The following SLC12A3 variants were observed in gnomAD, a reference collection of about 807,000 sequenced individuals.
SLC12A3 encodes the protein solute carrier family 12 member 3.
Under a neutral mutation model 121.0 loss-of-function variants are expected in SLC12A3, and 104 were observed. That is an observed-to-expected ratio of 0.86 (90% CI 0.73 to 1.01). SLC12A3 has a LOEUF of 1.01. Among genes scored for constraint, SLC12A3 ranks in the 50% least tolerant of loss-of-function variants. SLC12A3 has a pLI of 0.00. For synonymous variants in SLC12A3, 536 were observed against 533.4 expected, an observed-to-expected ratio of 1.00 and a Z score of -0.07; for missense variants, 1,328 against 1,356.3, an observed-to-expected ratio of 0.98 and a Z score of 0.33.
intron 13 of SLC12A3, among the ~76,000 whole-genome samples, chr16:56,883,497 G>A (rs2144721817): frequency 6.6e-6 from 1 of 152,062 alleles, no homozygotes; most frequent in East Asian, 1.9e-4. Context: ...AGCCAGGATG[G>A]TCTCGATCTC....
intron 12 of SLC12A3, among the ~76,000 whole-genome samples, chr16:56,882,011 T>A (rs1246750701): frequency 6.7e-6 from 1 of 149,588 alleles, no homozygotes; most frequent in Non-Finnish European, 1.5e-5. Flanking sequence ...ATCACGCCAC[T>A]GCACTCCAGC....
At chr16:56,866,477 G>A (rs1418305608) in intron 1 of SLC12A3, among the ~76,000 whole-genome samples, 1 of 152,186 alleles carries the variant, frequency 6.6e-6, no homozygotes, top group Non-Finnish European at 1.5e-5. Flanking sequence ...TAGAGGCCTG[G>A]TTTCAAGACC....
Position 56,904,062 on chromosome 16 carries a change from G to C in SLC12A3, c.2857-333G>C, listed in dbSNP as rs372425502. 2.0e-5 allele frequency among the ~76,000 whole-genome samples: 3 copies of C among 152,200 alleles called. No individual in the cohort carries two copies. The East Asian group carries it at 5.8e-4, about 29-fold the overall frequency. On this transcript the variant is annotated intron_variant, in intron 24 of 25. Transcript: ENST00000563236. ...ATGGTGAAGGTCAGGGAGACAACCT[G>C]ACTTGCCCAAGTTCTCTCTGCTATG...
Position 56,869,733 on chromosome 16 carries a change from G to T in SLC12A3, c.510G>T (p.Leu170=). ...AGCTTTGGGTGCCCCCTGCAGTCCT[G>T]ACCTGGATCATCATCCTGCTGTCGG... The part of the protein sequence containing the change: ...PWITAQAGIV[L]TWIIILLSVT... Residue 170 remains leucine (L), a synonymous_variant, in exon 4 of 26, where the codon CTG becomes CTT. Transcript: ENST00000563236. The T allele has an allele frequency of 6.2e-7, 1 of 1,614,046 alleles. No individual in the cohort carries two copies. The highest frequency in any genetic ancestry group is 1.1e-5 in the South Asian group (1 of 91,036).
At chr16:56,909,056 A>G (rs1375551038) in intron 25 of SLC12A3, among the ~76,000 whole-genome samples, 1 of 152,242 alleles carries the variant, frequency 6.6e-6, no homozygotes, top group East Asian at 1.9e-4. Flanking sequence ...AAGAGTTAAC[A>G]AAAGTATTTC....
intron 18 of SLC12A3, among the ~76,000 whole-genome samples, chr16:56,888,896 A>T (rs2055354512): frequency 6.6e-6 from 1 of 152,030 alleles, no homozygotes; most frequent in South Asian, 2.1e-4. Context: ...TGCAAATGTG[A>T]GTTTTTAGGT....
rs1386110954 is a variant in SLC12A3, at chr16:56,886,962, A to G, written c.2047A>G (p.Lys683Glu). 2 of 1,613,544 alleles carry G rather than the reference A, an allele frequency of 1.2e-6. No homozygotes were observed. Among genetic ancestry groups the G allele is most frequent in the South Asian group, 2.2e-5 (2 of 91,080 alleles). The change falls in exon 17 of 26, where the codon AAG becomes GAG. Residue 683 changes from lysine to glutamate, a missense_variant. Physicochemically the swap from Lys to Glu is moderately conservative, Grantham distance 56 (BLOSUM62 1). Transcript: ENST00000563236. ...CCCCTCCCACCCACAGGGACCCCACAAGCAGAGGATGCCTGAGCTCCAGCT... is the reference window on the plus strand; with the variant it reads ...CCCCTCCCACCCACAGGGACCCCACGAGCAGAGGATGCCTGAGCTCCAGCT... ...ICGHVLIGPHKQRMPELQLIA... is the reference protein window; with the variant it reads ...ICGHVLIGPHEQRMPELQLIA...
At chr16:56,883,241 A>C (rs1452621603) in intron 13 of SLC12A3, among the ~76,000 whole-genome samples, 2 of 151,502 alleles carry the variant, frequency 1.3e-5, no homozygotes, top group African/African-American at 4.8e-5. Flanking sequence ...AACTTCTGGC[A>C]GATGGCAATA....
chr16:56,885,492 AGG>A (rs2055298769), intron 15 of SLC12A3, 128 bp downstream of exon 15: 10 of 718,532 alleles, frequency 1.4e-5, no homozygotes, highest in Non-Finnish European at 2.0e-5. Context: ...CCACTCAGAG[AGG>A]GAACAGACAT....
At chr16:56,897,193 C>T (rs542704488) in intron 22 of SLC12A3, among the ~76,000 whole-genome samples, 2 of 152,142 alleles carry the variant, frequency 1.3e-5, no homozygotes, top group Admixed American at 6.5e-5. Context: ...TGACAGATGT[C>T]GGCAGGTGGA....
chr16:56,884,247 G>T, intron 14 of SLC12A3, 43 bp downstream of exon 14: 1 of 1,610,268 alleles, frequency 6.2e-7, no homozygotes, highest in Non-Finnish European at 8.5e-7. Flanking sequence ...CTCCCCCAGG[G>T]TAGCCATGCA....
At chr16:56,912,063 G>A (rs2055693385) in intron 25 of SLC12A3, among the ~76,000 whole-genome samples, 1 of 152,228 alleles carries the variant, frequency 6.6e-6, no homozygotes, top group African/African-American at 2.4e-5. Context: ...CAGCGCTCCA[G>A]CATCCTCCTC....
intron 24 of SLC12A3, chr16:56,904,157 T>G (rs1189686771): frequency 2.1e-6 from 1 of 487,436 alleles, no homozygotes; most frequent in African/African-American, 2.0e-5. Context: ...GTTATGGTCA[T>G]AAAGTCAGGC....
Position 56,867,254 on chromosome 16 carries a change from G to T in SLC12A3, c.429+38G>T, listed in dbSNP as rs376854786. 4 of 1,575,018 alleles carry T rather than the reference G, an allele frequency of 2.5e-6. No individual in the cohort carries two copies. The Admixed American group carries it at 5.6e-5, about 22-fold the overall frequency. ...TGGGTGGTGCGTGATGTCCAGAAAT[G>T]GGGGTGGGGTGGCAGAGCTCCATCC... On this transcript the variant is annotated intron_variant, in intron 2 of 25. Transcript: ENST00000563236.
At chr16:56,899,050 G>A (rs996287024) in intron 22 of SLC12A3, among the ~76,000 whole-genome samples, 2 of 152,138 alleles carry the variant, frequency 1.3e-5, no homozygotes. Context: ...GGGAAAGTCT[G>A]GTCAATTACT....
At position 56,899,542 on chromosome 16, in the gene SLC12A3, G is replaced by T; in HGVS notation, c.2646G>T (p.Leu882=). 6.2e-7 allele frequency: 1 copy of T among 1,613,708 alleles called. No homozygotes were observed. The highest frequency in any genetic ancestry group is 8.5e-7 in the Non-Finnish European group (1 of 1,179,614). Reference sequence around the variant, plus strand: ...ATGTGTCCTCCAGGATCATTTCTCTGCTGAGCAAGTTCCGACTGGGATTCC... The same window carrying T: ...ATGTGTCCTCCAGGATCATTTCTCTTCTGAGCAAGTTCCGACTGGGATTCC... ...MDQERKAIIS[L]LSKFRLGFHE... The change falls in exon 23 of 26, where the codon CTG becomes CTT. Residue 882 remains leucine (L), a synonymous_variant. Transcript: ENST00000563236.
chr16:56,908,022 TAAC>T (rs1211046420), intron 25 of SLC12A3, among the ~76,000 whole-genome samples: 1 of 151,826 alleles, frequency 6.6e-6, no homozygotes, highest in East Asian at 1.9e-4. Flanking sequence ...TGCAGAAGTC[TAAC>T]AACAGACCAG....
At chr16:56,879,518 T>G (rs1216319328) in intron 10 of SLC12A3, 24 bp from the exon 11 acceptor site, 2 of 1,583,046 alleles carry the variant, frequency 1.3e-6, no homozygotes, top group Non-Finnish European at 1.7e-6. Flanking sequence ...CACCGTGGAG[T>G]CCCTGAGCCC....
intron 25 of SLC12A3, among the ~76,000 whole-genome samples, chr16:56,912,501 C>T (rs1404897406): frequency 6.6e-6 from 1 of 152,160 alleles, no homozygotes; most frequent in African/African-American, 2.4e-5. Context: ...AATGAATGAA[C>T]AGGAACATAT....
Sources: gnomAD v4.1 joint callset for allele counts (sites outside exome capture counted in the v4.1 genomes callset) on GRCh38, gnomAD v4.1.1 for gene constraint, MANE v1.5 for transcripts, NCBI Gene and HGNC (gene_info 2026-07-23, HGNC 2026-07-21) for gene names.